ZC3H7B: variants seen among roughly 807,000 people sequenced by gnomAD.
ZC3H7B encodes the protein zinc finger CCCH-type containing 7B, also known as zinc finger CCCH domain-containing protein 7B.
Under a neutral mutation model 116.0 loss-of-function variants are expected in ZC3H7B, and 35 were observed. The observed-to-expected ratio is 0.30, with a 90% CI of 0.23 to 0.40. The LOEUF is 0.40. Ranked by LOEUF, ZC3H7B falls within the 10% of genes least tolerant of loss-of-function variation. ZC3H7B has a pLI of 1.00. For missense variants in ZC3H7B, 1,011 were observed against 1,321.5 expected, an observed-to-expected ratio of 0.77 and a Z score of 3.64; for synonymous variants, 502 against 545.6, an observed-to-expected ratio of 0.92 and a Z score of 1.11.
Position 41,351,438 on chromosome 22 carries a change from G to A in ZC3H7B, c.1949-123G>A, listed in dbSNP as rs1436127790. 1 of 768,676 alleles carries A rather than the reference G, an allele frequency of 1.3e-6. No homozygotes were observed. The highest frequency in any genetic ancestry group is 1.8e-5 in the African/African-American group (1 of 56,744). 47.6% of individuals were successfully genotyped at this position (768,676 alleles called of 1,614,324 possible). ...CCCTTGTACCCCATGTCTTACTGTG[G>A]CTGGGCTGAGAATAGGGCTCCTCCA... On this transcript the variant is annotated intron_variant, in intron 16 of 22. Transcript: ENST00000352645. The surrounding 1 kb of genome is among the most constrained non-coding windows in gnomAD (Gnocchi z 5.1).
At chr22:41,354,088 G>A (rs1265912983) in intron 17 of ZC3H7B, among the ~76,000 whole-genome samples, 1 of 152,204 alleles carries the variant, frequency 6.6e-6, no homozygotes, top group Non-Finnish European at 1.5e-5. Context: ...CAAGGAGCTG[G>A]TGAGACTATG....
In ZC3H7B at chr22:41,338,200, T is replaced by C. The variant is rs1846761710; in HGVS notation, c.583-113T>C. ...AGGGCTTTAATCTCCCCTGGCACTC[T>C]AAGTGCTCCTCGGTGCTGGGTCAAC... On this transcript the variant is annotated intron_variant, in intron 7 of 22. Transcript: ENST00000352645. This position sits in a 1 kb window ranked among gnomAD's most constrained non-coding sequence, Gnocchi z 4.5. 1.7e-6 allele frequency: 2 copies of C among 1,147,550 alleles called. No homozygotes were observed. The highest frequency in any genetic ancestry group is 2.8e-5 in the South Asian group (2 of 70,402). The allele number at this position is 1,147,550 out of a possible 1,614,324, so 71.1% of individuals were successfully genotyped here. A position where few individuals can be genotyped will look rare whatever the true frequency, so the allele number is the denominator to read the frequency against.
intron 1 of ZC3H7B, among the ~76,000 whole-genome samples, chr22:41,310,049 C>A (rs2036097702): frequency 6.6e-6 from 1 of 151,848 alleles, no homozygotes; most frequent in Non-Finnish European, 1.5e-5. Flanking sequence ...ACTAAAAATA[C>A]AAAAAATTAG....
chr22:41,320,806 C>CT, intron 2 of ZC3H7B, 93 bp downstream of exon 2: 2 of 1,557,584 alleles, frequency 1.3e-6, no homozygotes, highest in East Asian at 4.5e-5. Context: ...TTTCTTGCTG[C>CT]TGAGCCTTTG....
At chr22:41,339,766 C>T (rs1364911441) in intron 9 of ZC3H7B, 50 bp from the exon 10 acceptor site, 2 of 1,526,866 alleles carry the variant, frequency 1.3e-6, no homozygotes, top group Admixed American at 1.9e-5. Context: ...CTGCCCAGGC[C>T]TGGGCAGTCC....
At position 41,327,686 on chromosome 22, in the gene ZC3H7B, G is replaced by T. The variant is rs1166101597; in HGVS notation, c.444+322G>T. ...GCCTGTAATCTCAGCACTTTCGGAG[G>T]CTGAGGCAGGCGGATCACCTGAGGT... On this transcript the variant is annotated intron_variant, in intron 5 of 22. Transcript: ENST00000352645. This position sits in a 1 kb window ranked among gnomAD's most constrained non-coding sequence, Gnocchi z 4.5. Among the ~76,000 whole-genome samples, 2 of 152,252 alleles carry T rather than the reference G, an allele frequency of 1.3e-5. No individual in the cohort carries two copies. Among genetic ancestry groups the T allele is most frequent in the Non-Finnish European group, 2.9e-5 (2 of 68,046 alleles).
In ZC3H7B at chr22:41,349,296, A is replaced by G; in HGVS notation, c.1943A>G (p.Tyr648Cys). ...CTCAAGGTCTGGCTGCTGCAGCAGT[A>G]CTCAGGTGAGGGGCAGGCGGTGCAG... ...IELKVWLLQQ[Y>C]SGMTHEDIVQ... Residue 648 changes from tyrosine to cysteine, a missense_variant, in exon 16 of 23, where the codon TAC becomes TGC. Tyr to Cys is a radical substitution (Grantham distance 194). This residue lies in a region of ZC3H7B where 406 missense variants were observed against 590.2 expected (regional missense o/e 0.69). Coordinates refer to ENST00000352645, the MANE Select transcript of ZC3H7B (RefSeq NM_017590.6). The surrounding 1 kb of genome is among the most constrained non-coding windows in gnomAD (Gnocchi z 4.9). 1 of 1,613,334 alleles carries G rather than the reference A, an allele frequency of 6.2e-7. No individual in the cohort carries two copies. The highest frequency in any genetic ancestry group is 8.5e-7 in the Non-Finnish European group (1 of 1,179,862).
intron 7 of ZC3H7B, chr22:41,335,825 T>G (rs1016361418): frequency 6.6e-6 from 1 of 152,504 alleles, no homozygotes; most frequent in Non-Finnish European, 1.5e-5. Flanking sequence ...TGCTCTGATC[T>G]GTGCATAGCA....
In ZC3H7B at chr22:41,301,589, G is replaced by A. The variant is rs1201208601; in HGVS notation, c.-190G>A. ...CCGAGGGGCTGGAAATGAAAGTAAA[G>A]CGCTCCAGAGCCACATGGACGGAGC... On this transcript the variant is annotated 5_prime_UTR_variant, in exon 1 of 23. Coordinates refer to ENST00000352645, the MANE Select transcript of ZC3H7B (RefSeq NM_017590.6). 2 of 152,254 alleles carry A rather than the reference G, an allele frequency of 1.3e-5. No individual in the cohort carries two copies. Among genetic ancestry groups the A allele is most frequent in the African/African-American group, 4.8e-5 (2 of 41,452 alleles). 9.4% of individuals were successfully genotyped at this position (152,254 alleles called of 1,614,324 possible). A position where few individuals can be genotyped will look rare whatever the true frequency, so the allele number is the denominator to read the frequency against.
In ZC3H7B at chr22:41,357,492, G is replaced by A. The variant is rs955756050; in HGVS notation, c.*63G>A. On this transcript the variant is annotated 3_prime_UTR_variant, in exon 23 of 23. Coordinates refer to ENST00000352645, the MANE Select transcript of ZC3H7B (RefSeq NM_017590.6). This position sits in a 1 kb window ranked among gnomAD's most constrained non-coding sequence, Gnocchi z 5.4. ...GGGGTGGGGTGGGGCCAGAAGGCCTGATAGAAGGGTCAGGGCAGGCCAGGG... is the reference window on the plus strand; with the variant it reads ...GGGGTGGGGTGGGGCCAGAAGGCCTAATAGAAGGGTCAGGGCAGGCCAGGG... 5.2e-6 allele frequency: 6 copies of A among 1,161,528 alleles called. No individual in the cohort carries two copies. The highest frequency in any genetic ancestry group is 5.1e-5 in the South Asian group (4 of 78,126). The allele number at this position is 1,161,528 out of a possible 1,614,324, so 72.0% of individuals were successfully genotyped here.
intron 5 of ZC3H7B, among the ~76,000 whole-genome samples, chr22:41,329,354 G>C (rs2036354347): frequency 6.7e-6 from 1 of 149,236 alleles, no homozygotes; most frequent in East Asian, 2.1e-4. Flanking sequence ...TGCCTCCTGA[G>C]TTCAAGCGAT....
chr22:41,342,443 C>A, intron 11 of ZC3H7B, 86 bp from the exon 12 acceptor site: 1 of 1,283,250 alleles, frequency 7.8e-7, no homozygotes, highest in Non-Finnish European at 1.1e-6. Context: ...GGTCATAGAG[C>A]ACTCCCCACT....
rs2036741307 is a variant in ZC3H7B at position 41,357,688 on chromosome 22, G to A, written c.*259G>A. The A allele has an allele frequency of 5.4e-6, 3 of 558,178 alleles. No homozygotes were observed. Among genetic ancestry groups the A allele is most frequent in the Non-Finnish European group, 6.4e-6 (2 of 314,680 alleles). The allele number at this position is 558,178 out of a possible 1,614,324, so 34.6% of individuals were successfully genotyped here. A position where few individuals can be genotyped will look rare whatever the true frequency, so the allele number is the denominator to read the frequency against. On this transcript the variant is annotated 3_prime_UTR_variant, in exon 23 of 23. Coordinates refer to ENST00000352645, the MANE Select transcript of ZC3H7B (RefSeq NM_017590.6). This position sits in a 1 kb window ranked among gnomAD's most constrained non-coding sequence, Gnocchi z 5.4. Reference sequence around the variant, plus strand: ...CCCCCACGGCTCTCCTGGTTGAGGAGGGAGGGGCCTGGCTGACCCCTCCAG... The same window carrying A: ...CCCCCACGGCTCTCCTGGTTGAGGAAGGAGGGGCCTGGCTGACCCCTCCAG...
intron 11 of ZC3H7B, 30 bp from the exon 12 acceptor site, chr22:41,342,499 C>T: frequency 1.2e-6 from 2 of 1,606,158 alleles, no homozygotes; most frequent in Admixed American, 1.7e-5. Context: ...TCATCCAGTG[C>T]CCACAATGGC....
Position 41,356,420 on chromosome 22 carries a change from A to G in ZC3H7B, c.2461A>G (p.Ser821Gly). ...AAAGCCTGGAGAAGGGACCCCCATCAGTTCTCGGGAAGGGGAGAAGCAGAT... is the reference window on the plus strand; with the variant it reads ...AAAGCCTGGAGAAGGGACCCCCATCGGTTCTCGGGAAGGGGAGAAGCAGAT... Reference protein sequence around the residue: ...PGKPGEGTPISSREGEKQIQM... With the variant: ...PGKPGEGTPIGSREGEKQIQM... The change falls in exon 21 of 23, where the codon AGT becomes GGT. Residue 821 changes from serine (S) to glycine (G), a missense_variant. Physicochemically the swap from Ser to Gly is moderately conservative, Grantham distance 56. Around this residue, in one of 5 missense-constraint regions of ZC3H7B, gnomAD observed 406 missense variants for 590.2 expected, o/e 0.69. Transcript: ENST00000352645. 6.2e-7 allele frequency: 1 copy of G among 1,614,178 alleles called. No homozygotes were observed. Among genetic ancestry groups the G allele is most frequent in the Non-Finnish European group, 8.5e-7 (1 of 1,180,038 alleles).
intron 1 of ZC3H7B, among the ~76,000 whole-genome samples, chr22:41,319,803 C>T (rs1376154909): frequency 1.4e-4 from 21 of 151,942 alleles, no homozygotes; most frequent in Admixed American, 1.4e-3. Flanking sequence ...CCAAAGCAGG[C>T]GGATCACCTG....
chr22:41,356,601 C>A, intron 21 of ZC3H7B, 44 bp from the exon 22 acceptor site: 1 of 1,611,862 alleles, frequency 6.2e-7, no homozygotes, highest in Non-Finnish European at 8.5e-7. Context: ...GTGGTCCGGG[C>A]AGAGGTGTGG....
chr22:41,352,084 C>T (rs1477085436), intron 17 of ZC3H7B, among the ~76,000 whole-genome samples: 3 of 152,224 alleles, frequency 2.0e-5, no homozygotes, highest in Non-Finnish European at 4.4e-5. Flanking sequence ...AATCCTCCCA[C>T]CTTGGCCTCC....
chr22:41,343,759 G>A (rs79799700), intron 13 of ZC3H7B, among the ~76,000 whole-genome samples, 183 bp downstream of exon 13: 2,630 of 152,328 alleles, frequency 0.017, 94 homozygotes, highest in African/African-American at 0.06. Flanking sequence ...CAGAATGAGC[G>A]TCTTCTTCCC....
Sources: gnomAD v4.1 joint callset for allele counts (sites outside exome capture counted in the v4.1 genomes callset) on GRCh38, gnomAD v4.1.1 for gene constraint, gnomAD v4.1.1 regional missense constraint, Gnocchi (gnomAD v3.1) non-coding constraint, MANE v1.5 for transcripts, NCBI Gene and HGNC (gene_info 2026-07-23, HGNC 2026-07-21) for gene names.